PCDHGA8: variants seen among roughly 807,000 people sequenced by gnomAD.
The protein encoded by PCDHGA8 is protocadherin gamma-A8.
PCDHGA8 carries 45 observed loss-of-function variants against 59.2 expected under a neutral mutation model. That is an observed-to-expected ratio of 0.76 (90% CI 0.60 to 0.98). The LOEUF is 0.98. Ranked by LOEUF, PCDHGA8 falls within the 50% of genes least tolerant of loss-of-function variation. The pLI is 0.00. For synonymous variants in PCDHGA8, 531 were observed against 519.0 expected (o/e 1.02, Z -0.32); for missense variants, 1,257 against 1,196.2 (o/e 1.05, Z -0.75).
intron 1 of PCDHGA8, chr5:141,415,642 A>T (rs1418546981): frequency 6.0e-6 from 5 of 831,836 alleles, no homozygotes; most frequent in Middle Eastern, 2.6e-4. Flanking sequence ...TACTTTTGTT[A>T]AAAAAAAAAA....
At chr5:141,499,438 G>A (rs2154592492) in intron 2 of PCDHGA8, among the ~76,000 whole-genome samples, 1 of 152,158 alleles carries the variant, frequency 6.6e-6, no homozygotes, top group Admixed American at 6.5e-5. Context: ...AAAATTAAAA[G>A]GAAAACCACC....
rs375537017 is a variant in PCDHGA8 at position 141,419,439 on chromosome 5, C to T, written c.2424+24202C>T. 22 of 1,613,154 alleles carry T rather than the reference C, an allele frequency of 1.4e-5. No individual in the cohort carries two copies. Among genetic ancestry groups the T allele is most frequent in the Non-Finnish European group, 1.7e-5 (20 of 1,179,788 alleles). On this transcript the variant is annotated intron_variant, in intron 1 of 3. Transcript: ENST00000398604. ...GCCTTCGACCACGAGCAGCTGCGCACCTTCGAGCTCACGCTGCAGGCCCGC... is the reference window on the plus strand; with the variant it reads ...GCCTTCGACCACGAGCAGCTGCGCATCTTCGAGCTCACGCTGCAGGCCCGC...
chr5:141,399,055 G>A (rs372997829), intron 1 of PCDHGA8: 3 of 1,613,726 alleles, frequency 1.9e-6, no homozygotes, highest in African/African-American at 2.7e-5. Context: ...AGAGACCAAG[G>A]AATATTCAAT....
At position 141,489,886 on chromosome 5, in the gene PCDHGA8, G is replaced by A; in HGVS notation, c.2425-4921G>A. ...ACATCAGCTGGTGCTTACTGCTGTG[G>A]ATGGGGGGACCCCAGCCCGCTCAGG... is the stretch of plus-strand genomic sequence containing the variant. On this transcript the variant is annotated intron_variant, in intron 1 of 3. Transcript: ENST00000398604. This position sits in a 1 kb window ranked among gnomAD's most constrained non-coding sequence, Gnocchi z 4.5. 6.2e-7 allele frequency: 1 copy of A among 1,614,256 alleles called. No individual in the cohort carries two copies. The highest frequency in any genetic ancestry group is 8.5e-7 in the Non-Finnish European group (1 of 1,180,044).
chr5:141,476,146 G>C lies in PCDHGA8; in HGVS notation c.2425-18661G>C. 1 of 1,611,402 alleles carries C rather than the reference G, an allele frequency of 6.2e-7. No individual in the cohort carries two copies. On this transcript the variant is annotated intron_variant, in intron 1 of 3. Transcript: ENST00000398604. This position sits in a 1 kb window ranked among gnomAD's most constrained non-coding sequence, Gnocchi z 7.6. ...TCCCAGAGGCCTGGAGGAGCGGACT[G>C]GTAAGCACCGGGAGGGTAGTGGGAG...
At chr5:141,427,966 T>C (rs1458559803) in intron 1 of PCDHGA8, 10 of 1,590,764 alleles carry the variant, frequency 6.3e-6, no homozygotes, top group African/African-American at 1.3e-5. Flanking sequence ...CCGCGGGTGC[T>C]GTACCCCGCG....
chr5:141,477,052 C>T lies in PCDHGA8; in HGVS notation c.2425-17755C>T. On this transcript the variant is annotated intron_variant, in intron 1 of 3. Coordinates refer to ENST00000398604, the MANE Select transcript of PCDHGA8 (RefSeq NM_032088.2). The surrounding 1 kb of genome is among the most constrained non-coding windows in gnomAD (Gnocchi z 4.9). ...TGACAATCAAGGGTCGGCTGGACTT[C>T]GAGGACACCAAACTCCATGAGATTT... 1.2e-6 allele frequency: 2 copies of T among 1,614,240 alleles called. No individual in the cohort carries two copies. The highest frequency in any genetic ancestry group is 1.7e-6 in the Non-Finnish European group (2 of 1,180,032).
At position 141,404,862 on chromosome 5, in the gene PCDHGA8, C is replaced by T. The variant is rs377687399; in HGVS notation, c.2424+9625C>T. ...GCTCGGGCCCTGCTAGATAGAGATG[C>T]GCTCAAACAGAGCCTTGTGGTGGCT... On this transcript the variant is annotated intron_variant, in intron 1 of 3. Coordinates refer to ENST00000398604, the MANE Select transcript of PCDHGA8 (RefSeq NM_032088.2). The T allele has an allele frequency of 2.3e-5, 37 of 1,613,730 alleles. No individual in the cohort carries two copies. The African/African-American group carries it at 2.8e-4, about 12-fold the overall frequency.
At chr5:141,463,460 T>TTC (rs573961569) in intron 1 of PCDHGA8, among the ~76,000 whole-genome samples, 28 of 136,126 alleles carry the variant, frequency 2.1e-4, no homozygotes, top group Admixed American at 4.4e-4. Context: ...TTTTTTTTTT[T>TTC]TTTTTTGAGA....
intron 1 of PCDHGA8, chr5:141,398,793 A>G (rs376843278): frequency 2.5e-5 from 41 of 1,613,830 alleles, no homozygotes; most frequent in South Asian, 1.1e-5. Flanking sequence ...ATCCACCCCT[A>G]AGCGGCACCA....
Position 141,477,710 on chromosome 5 carries a change from G to A in PCDHGA8, c.2425-17097G>A, listed in dbSNP as rs747156156. ...GCCCCTAGACTATGAGGATCGGCGG[G>A]AATTTGAATTAACAGCTCATATCAG... On this transcript the variant is annotated intron_variant, in intron 1 of 3. Transcript: ENST00000398604. This position sits in a 1 kb window ranked among gnomAD's most constrained non-coding sequence, Gnocchi z 4.9. 2.5e-6 allele frequency: 4 copies of A among 1,613,918 alleles called. No homozygotes were observed. Among genetic ancestry groups the A allele is most frequent in the Middle Eastern group, 3.3e-4 (2 of 6,062 alleles).
intron 1 of PCDHGA8, chr5:141,409,586 G>C: frequency 6.2e-7 from 1 of 1,613,908 alleles, no homozygotes; most frequent in Non-Finnish European, 8.5e-7. Flanking sequence ...GGTCCACGTG[G>C]CCGAGAACAA....
intron 2 of PCDHGA8, among the ~76,000 whole-genome samples, chr5:141,496,013 T>C (rs2154591828): frequency 6.6e-6 from 1 of 152,134 alleles, no homozygotes; most frequent in East Asian, 1.9e-4. Flanking sequence ...CTTGTCTTTT[T>C]TCTCTGAGCC....
At chr5:141,410,851 T>A in intron 1 of PCDHGA8, 3 of 207,068 alleles carry the variant, frequency 1.4e-5, no homozygotes, top group Non-Finnish European at 1.7e-5. Flanking sequence ...GTCTTTGTCT[T>A]TTTTTTTTTT....
intron 1 of PCDHGA8, chr5:141,478,473 A>G (rs2099458384): frequency 6.2e-7 from 1 of 1,613,742 alleles, no homozygotes; most frequent in African/African-American, 1.3e-5. Context: ...GCCAGCCGCC[A>G]GAACACGCTG....
At position 141,476,994 on chromosome 5, in the gene PCDHGA8, A is replaced by T; in HGVS notation, c.2425-17813A>T. 6.2e-7 allele frequency: 1 copy of T among 1,614,260 alleles called. No individual in the cohort carries two copies. The highest frequency in any genetic ancestry group is 2.2e-5 in the East Asian group (1 of 44,884). On this transcript the variant is annotated intron_variant, in intron 1 of 3. Transcript: ENST00000398604. This position sits in a 1 kb window ranked among gnomAD's most constrained non-coding sequence, Gnocchi z 7.6. ...AGCCACAACCGCGCCGGCGTGCGGC[A>T]ACTATTCGCCTTAGACCTTGTAACC...
At chr5:141,455,984 G>A (rs1405675950) in intron 1 of PCDHGA8, among the ~76,000 whole-genome samples, 2 of 151,492 alleles carry the variant, frequency 1.3e-5, no homozygotes, top group East Asian at 1.9e-4. Context: ...TGCAAGCTCC[G>A]CCTCTCGGGT....
chr5:141,505,089 G>A (rs1562219081), intron 2 of PCDHGA8, among the ~76,000 whole-genome samples: 1 of 152,208 alleles, frequency 6.6e-6, no homozygotes, highest in Non-Finnish European at 1.5e-5. Context: ...TTGAACCCAG[G>A]AGGTGGATGT....
chr5:141,403,950 T>C (rs771679747), intron 1 of PCDHGA8: 13 of 1,613,706 alleles, frequency 8.1e-6, no homozygotes, highest in Non-Finnish European at 1.1e-5. Context: ...TGGACAAAAG[T>C]GCTCATTTCG....
Sources: allele counts gnomAD v4.1 joint callset (sites outside exome capture counted in the v4.1 genomes callset), GRCh38; gene constraint gnomAD v4.1.1; non-coding constraint Gnocchi (gnomAD v3.1); transcripts MANE v1.5; gene names NCBI Gene and HGNC (gene_info 2026-07-23, HGNC 2026-07-21).